The following KLF11 variants were observed in gnomAD, a reference collection of about 807,000 sequenced individuals.
KLF11 encodes the protein KLF transcription factor 11.
Under a neutral mutation model 29.9 loss-of-function variants are expected in KLF11, and 26 were observed. The observed-to-expected ratio is 0.87, with a 90% CI of 0.64 to 1.21. The LOEUF is 1.21. KLF11 is among the 50% of genes most tolerant of loss of function. The pLI, the probability that KLF11 is intolerant of heterozygous loss-of-function variation, is 0.00. For missense variants in KLF11, 778 were observed against 665.7 expected (o/e 1.17, Z -1.86); for synonymous variants, 318 against 257.4 (o/e 1.24, Z -2.25).
At chr2:10,051,792 C>T (rs1461488383) in intron 3 of KLF11, among the ~76,000 whole-genome samples, 1 of 152,210 alleles carries the variant, frequency 6.6e-6, no homozygotes, top group East Asian at 1.9e-4. Context: ...GCTTGGATTA[C>T]AGGCGTGAGC....
Position 10,052,613 on chromosome 2 carries a change from C to A in KLF11, c.*106C>A. The A allele has an allele frequency of 1.6e-6, 2 of 1,221,022 alleles. No individual in the cohort carries two copies. Among genetic ancestry groups the A allele is most frequent in the Non-Finnish European group, 2.3e-6 (2 of 852,010 alleles). 75.6% of individuals were successfully genotyped at this position (1,221,022 alleles called of 1,614,324 possible). The stretch of plus-strand genomic sequence containing the variant: ...CCTCACCCAAAAAAAACGGTCTTGG[C>A]GGCCTAGGGGAAGATCGGGGAGCTG... On this transcript the variant is annotated 3_prime_UTR_variant, in exon 4 of 4. Coordinates refer to ENST00000305883, the MANE Select transcript of KLF11 (RefSeq NM_003597.5).
In KLF11 at chr2:10,048,039, C is replaced by T. The variant is rs372266786; in HGVS notation, c.702C>T (p.Cys234=). 5 of 1,614,082 alleles carry T rather than the reference C, an allele frequency of 3.1e-6. No individual in the cohort carries two copies. Among genetic ancestry groups the T allele is most frequent in the African/African-American group, 2.7e-5 (2 of 74,928 alleles). The change falls in exon 3 of 4, where the codon TGC becomes TGT. Residue 234 remains cysteine, a synonymous_variant. Transcript: ENST00000305883. ...LSTNLVSCQP[C]LHKSGGLLLT... Reference sequence around the variant, plus strand: ...CTAACTTGGTGTCCTGTCAGCCCTGCTTGCACAAGTCTGGTGGCCTGCTGC... The same window carrying T: ...CTAACTTGGTGTCCTGTCAGCCCTGTTTGCACAAGTCTGGTGGCCTGCTGC...
rs138619792 is a variant in KLF11 at position 10,050,046 on chromosome 2, G to C, written c.1258+1451G>C. On this transcript the variant is annotated intron_variant, in intron 3 of 3. Transcript: ENST00000305883. ...TTTACCGTTTATTTGGTTTACCTTG[G>C]TAGAAGTACTGACAGAATGACCTGC... is the stretch of plus-strand genomic sequence containing the variant. Among the ~76,000 whole-genome samples the C allele has an allele frequency of 1.2e-3, 188 of 152,314 alleles. 1 individual carries two copies. Among genetic ancestry groups the C allele is most frequent in the Admixed American group, 9.3e-3 (142 of 15,304 alleles).
At chr2:10,045,036 C>G (rs1259546124) in intron 1 of KLF11, among the ~76,000 whole-genome samples, 3 of 152,062 alleles carry the variant, frequency 2.0e-5, no homozygotes. Context: ...ATCCCAGCTA[C>G]TGGGGAGGCT....
intron 1 of KLF11, 199 bp downstream of exon 1, chr2:10,043,957 G>C (rs936859738): frequency 2.1e-6 from 2 of 934,994 alleles, no homozygotes; most frequent in South Asian, 5.0e-5. Flanking sequence ...GGTCGGCGGG[G>C]GCGAGGAGGG....
At chr2:10,051,216 T>C (rs1281460273) in intron 3 of KLF11, among the ~76,000 whole-genome samples, 1 of 143,156 alleles carries the variant, frequency 7.0e-6, no homozygotes, top group African/African-American at 2.6e-5. Context: ...CCGGTGCTAC[T>C]TTTTTTTTCT....
rs1330289754 is a variant in KLF11 at position 10,047,699 on chromosome 2, C to G, written c.362C>G (p.Thr121Arg). The change falls in exon 3 of 4, where the codon ACA (threonine) becomes AGA (arginine). Residue 121 changes from threonine to arginine, a missense_variant. Transcript: ENST00000305883. Reference protein sequence around the residue: ...SPDLVEPSTRTPVSPQVTDSK... With the variant: ...SPDLVEPSTRRPVSPQVTDSK... ...GATCTCGTGGAGCCATCGACAAGGA[C>G]ACCTGTTTCTCCCCAAGTAACAGAT... The G allele has an allele frequency of 6.2e-7, 1 of 1,613,482 alleles. No individual in the cohort carries two copies.
Position 10,052,411 on chromosome 2 carries a change from G to T in KLF11, c.1443G>T (p.Lys481Asn). ...CCCGGCGCCACATGACGACCAAGAA[G>T]ATCCCAGGCTGGCAGGCAGAGGTTG... Reference protein sequence around the residue: ...KHARRHMTTKKIPGWQAEVGK... With the variant: ...KHARRHMTTKNIPGWQAEVGK... The change falls in exon 4 of 4, where the codon AAG becomes AAT. Residue 481 changes from lysine (K) to asparagine (N), a missense_variant. Lys to Asn is a moderately conservative substitution (Grantham distance 94). Coordinates refer to ENST00000305883, the MANE Select transcript of KLF11 (RefSeq NM_003597.5). 1.9e-6 allele frequency: 3 copies of T among 1,614,170 alleles called. No individual in the cohort carries two copies. The highest frequency in any genetic ancestry group is 2.5e-6 in the Non-Finnish European group (3 of 1,180,038).
rs1661306919 is a variant in KLF11 at position 10,048,540 on chromosome 2, C to T, written c.1203C>T (p.Cys401=). 2 of 1,610,772 alleles carry T rather than the reference C, an allele frequency of 1.2e-6. No homozygotes were observed. The highest frequency in any genetic ancestry group is 1.7e-6 in the Non-Finnish European group (2 of 1,180,006). ...RRNYVCSFPG[C]RKTYFKSSHL... ...ACTATGTATGCAGCTTCCCAGGTTG[C>T]CGGAAGACCTACTTCAAAAGTTCCC... Residue 401 remains cysteine, a synonymous_variant, in exon 3 of 4, where the codon TGC becomes TGT. Coordinates refer to ENST00000305883, the MANE Select transcript of KLF11 (RefSeq NM_003597.5).
At chr2:10,050,002 G>A (rs1342053573) in intron 3 of KLF11, among the ~76,000 whole-genome samples, 1 of 152,196 alleles carries the variant, frequency 6.6e-6, no homozygotes, top group East Asian at 1.9e-4. Flanking sequence ...TCCAAATGTT[G>A]GAGGTGACTG....
intron 2 of KLF11, among the ~76,000 whole-genome samples, chr2:10,046,842 G>A (rs548014241): frequency 1.3e-5 from 2 of 152,220 alleles, no homozygotes; most frequent in African/African-American, 2.4e-5. Context: ...GCAACAGAGC[G>A]CGAGACCCCA....
chr2:10,048,397 TG>T lies in KLF11; in HGVS notation c.1061del (p.Cys354LeufsTer33). 2 of 1,613,844 alleles carry T rather than the reference TG, an allele frequency of 1.2e-6. No homozygotes were observed. Among genetic ancestry groups the T allele is most frequent in the Non-Finnish European group, 1.7e-6 (2 of 1,179,730 alleles). ...GGGAGCCCTCCCTCCGCCTGCCCCC[TG>T]TGCAGCCAATGTCATGGCTGCCGGG... Reference protein sequence around the residue: ...PQGALPPPAPCAANVMAAGNT... With the variant: ...PQGALPPPAPXAANVMAAGNT... On this transcript the variant is annotated frameshift_variant, in exon 3 of 4. Coordinates refer to ENST00000305883, the MANE Select transcript of KLF11 (RefSeq NM_003597.5). LOFTEE classifies it high-confidence loss of function.
chr2:10,045,175 C>G (rs1295403357), intron 1 of KLF11, among the ~76,000 whole-genome samples: 2 of 151,640 alleles, frequency 1.3e-5, no homozygotes, highest in Non-Finnish European at 2.9e-5. Context: ...CCTGTAATCC[C>G]AGCACTTGGG....
intron 3 of KLF11, among the ~76,000 whole-genome samples, chr2:10,050,891 C>CATT (rs1558350563): frequency 2.4e-5 from 1 of 42,038 alleles, no homozygotes; most frequent in East Asian, 8.4e-4. Context: ...ATAGATGCTA[C>CATT]CTTTTTTTTT....
intron 3 of KLF11, among the ~76,000 whole-genome samples, chr2:10,049,357 C>CTTCA (rs755024933): frequency 6.6e-6 from 1 of 152,248 alleles, no homozygotes; most frequent in African/African-American, 2.4e-5. Context: ...TAGACAATCG[C>CTTCA]TTCAGTAGGT....
Position 10,047,822 on chromosome 2 carries a change from C to G in KLF11, c.485C>G (p.Pro162Arg). The G allele has an allele frequency of 6.2e-7, 1 of 1,613,806 alleles. No individual in the cohort carries two copies. Among genetic ancestry groups the G allele is most frequent in the Non-Finnish European group, 8.5e-7 (1 of 1,180,010 alleles). Reference sequence around the variant, plus strand: ...GAGAGGGGCTTGCTGGGTTTGGAGCCAGTGCCCAGCTCTCCCTGCAGGGCC... The same window carrying G: ...GAGAGGGGCTTGCTGGGTTTGGAGCGAGTGCCCAGCTCTCCCTGCAGGGCC... ...GAERGLLGLE[P>R]VPSSPCRAKG... Residue 162 changes from proline to arginine, a missense_variant, in exon 3 of 4, where the codon CCA (proline) becomes CGA (arginine). By Grantham distance (103) the Pro-to-Arg change is moderately radical. Coordinates refer to ENST00000305883, the MANE Select transcript of KLF11 (RefSeq NM_003597.5).
In KLF11 at chr2:10,052,701, G is replaced by T; in HGVS notation, c.*194G>T. On this transcript the variant is annotated 3_prime_UTR_variant, in exon 4 of 4. Coordinates refer to ENST00000305883, the MANE Select transcript of KLF11 (RefSeq NM_003597.5). Reference sequence around the variant, plus strand: ...GGGACCCTGTTCAGTATCTTTTGTAGTTTCAGAAGTTTTTTTGTTTTGGTT... The same window carrying T: ...GGGACCCTGTTCAGTATCTTTTGTATTTTCAGAAGTTTTTTTGTTTTGGTT... The T allele has an allele frequency of 2.1e-6, 1 of 487,262 alleles. No individual in the cohort carries two copies. The highest frequency in any genetic ancestry group is 3.5e-6 in the Non-Finnish European group (1 of 284,672). 30.2% of individuals were successfully genotyped at this position (487,262 alleles called of 1,614,324 possible). A position where few individuals can be genotyped will look rare whatever the true frequency, so the allele number is the denominator to read the frequency against.
intron 1 of KLF11, chr2:10,044,040 A>T: frequency 1.4e-6 from 1 of 706,322 alleles, no homozygotes; most frequent in Non-Finnish European, 1.7e-6. Context: ...GGCTATTTCC[A>T]GCCATGACGT....
rs1411794811 is a variant in KLF11 at position 10,043,724 on chromosome 2, C to T, written c.8C>T (p.Thr3Met). 1 of 1,377,212 alleles carries T rather than the reference C, an allele frequency of 7.3e-7. No individual in the cohort carries two copies. 85.3% of individuals were successfully genotyped at this position (1,377,212 alleles called of 1,614,324 possible). The change falls in exon 1 of 4, where the codon ACG becomes ATG. Residue 3 changes from threonine to methionine, a missense_variant. By Grantham distance (81) the Thr-to-Met change is moderately conservative (BLOSUM62 -1). Transcript: ENST00000305883. Reference protein sequence around the residue: MHTPDFAGPDDAR... With the variant: MHMPDFAGPDDAR... Reference sequence around the variant, plus strand: ...TCCCGGCCGGCCTGCACGATGCACACGCCGGACTTCGCAGGCCCAGACGAC... The same window carrying T: ...TCCCGGCCGGCCTGCACGATGCACATGCCGGACTTCGCAGGCCCAGACGAC...
Sources: allele counts gnomAD v4.1 joint callset (sites outside exome capture counted in the v4.1 genomes callset), GRCh38; gene constraint gnomAD v4.1.1; transcripts MANE v1.5; gene names NCBI Gene and HGNC (gene_info 2026-07-23, HGNC 2026-07-21).